RREB1: variants seen among roughly 807,000 people sequenced by gnomAD.
The protein encoded by RREB1 is ras-responsive element-binding protein 1.
Under a neutral mutation model 117.8 loss-of-function variants are expected in RREB1, and 27 were observed. The observed-to-expected ratio is 0.23, with a 90% CI of 0.17 to 0.32. RREB1 has a LOEUF of 0.32. Ranked by LOEUF, RREB1 falls within the 10% of genes least tolerant of loss-of-function variation. The pLI, the probability that RREB1 is intolerant of heterozygous loss-of-function variation, is 1.00. For synonymous variants in RREB1, 1,298 were observed against 1,026.7 expected (o/e 1.26, Z -5.05); for missense variants, 2,577 against 2,378.2 (o/e 1.08, Z -1.74).
At chr6:7,213,989 G>C (rs921646745) in intron 8 of RREB1, 16 of 152,326 alleles carry the variant, frequency 1.1e-4, no homozygotes, top group African/African-American at 3.6e-4. Flanking sequence ...AGGCAGATCA[G>C]GTGTCTCCTT....
intron 8 of RREB1, among the ~76,000 whole-genome samples, chr6:7,219,835 C>T (rs1383370567): frequency 6.6e-6 from 1 of 152,172 alleles, no homozygotes; most frequent in African/African-American, 2.4e-5. Context: ...AAAGAGCTTA[C>T]CTTATGACCT....
intron 1 of RREB1, among the ~76,000 whole-genome samples, chr6:7,140,018 G>A (rs1434237979): frequency 6.6e-6 from 1 of 152,216 alleles, no homozygotes; most frequent in South Asian, 2.1e-4. Flanking sequence ...AGCAAAGAGA[G>A]TGTACTGCAA....
chr6:7,141,419 A>T (rs748740011), intron 1 of RREB1, among the ~76,000 whole-genome samples: 1 of 152,068 alleles, frequency 6.6e-6, no homozygotes, highest in African/African-American at 2.4e-5. Flanking sequence ...AAAATAATAA[A>T]TTCCTCTTAG....
chr6:7,114,749 G>GT (rs1238571253), intron 1 of RREB1, among the ~76,000 whole-genome samples: 1 of 152,202 alleles, frequency 6.6e-6, no homozygotes, highest in Non-Finnish European at 1.5e-5. Flanking sequence ...CAAGTTCGAA[G>GT]TTTCACAGAA....
intron 1 of RREB1, among the ~76,000 whole-genome samples, chr6:7,171,748 G>A (rs536673672): frequency 1.6e-4 from 24 of 152,266 alleles, no homozygotes; most frequent in African/African-American, 5.5e-4. Context: ...TTGGAACCAC[G>A]AGCCATGGGT....
intron 6 of RREB1, among the ~76,000 whole-genome samples, chr6:7,200,194 G>A (rs1339611716): frequency 1.3e-5 from 2 of 150,156 alleles, no homozygotes; most frequent in East Asian, 3.9e-4. Context: ...ATATGTGTGT[G>A]TGTATATATG....
intron 1 of RREB1, among the ~76,000 whole-genome samples, chr6:7,143,084 T>G (rs1244754093): frequency 1.3e-5 from 2 of 152,200 alleles, no homozygotes; most frequent in East Asian, 1.9e-4. Context: ...CTGGGATTTT[T>G]GGGGAAAATA....
At chr6:7,215,569 G>A (rs1314420225) in intron 8 of RREB1, 2 of 152,098 alleles carry the variant, frequency 1.3e-5, no homozygotes, top group Non-Finnish European at 2.9e-5. Flanking sequence ...TGAACTCCTG[G>A]GCTCAAGTGA....
intron 1 of RREB1, among the ~76,000 whole-genome samples, chr6:7,112,948 G>C (rs1761215900): frequency 6.6e-6 from 1 of 152,190 alleles, no homozygotes; most frequent in Non-Finnish European, 1.5e-5. Flanking sequence ...AGGAGACTGG[G>C]AGCGATCGGT....
At chr6:7,184,225 TC>T (rs1398472522) in intron 4 of RREB1, among the ~76,000 whole-genome samples, 1 of 151,964 alleles carries the variant, frequency 6.6e-6, no homozygotes, top group Non-Finnish European at 1.5e-5. Flanking sequence ...GGGCCTCTCT[TC>T]CAGTATCACA....
intron 6 of RREB1, among the ~76,000 whole-genome samples, chr6:7,204,833 G>A (rs547815520): frequency 1.2e-4 from 19 of 152,284 alleles, no homozygotes; most frequent in Non-Finnish European, 2.2e-4. Context: ...AATTACATAC[G>A]GGGAGCTTGA....
At chr6:7,187,162 C>G (rs1291728069) in intron 4 of RREB1, among the ~76,000 whole-genome samples, 1 of 152,250 alleles carries the variant, frequency 6.6e-6, no homozygotes, top group Non-Finnish European at 1.5e-5. Flanking sequence ...TGAGTACTGA[C>G]TATGATCCCA....
intron 3 of RREB1, 47 bp from the exon 4 acceptor site, chr6:7,181,823 G>A (rs1278205291): frequency 1.4e-6 from 2 of 1,386,448 alleles, no homozygotes; most frequent in East Asian, 4.6e-5. Context: ...GGCAATGACA[G>A]AAGCCTAAAC....
Position 7,210,923 on chromosome 6 carries a change from G to A in RREB1, c.545G>A (p.Arg182Lys), listed in dbSNP as rs1766548460. The change falls in exon 7 of 13, where the codon AGA becomes AAA. Residue 182 changes from arginine to lysine, a missense_variant. Arg to Lys is a conservative substitution (Grantham distance 26). Transcript: ENST00000379938. ...RKLSHDAESE[R>K]EDPAPAKKMV... ...CTGAGTCACGATGCCGAGTCAGAGA[G>A]AGAAGACCCAGCACCAGCTAAAAAG... 2 of 1,614,160 alleles carry A rather than the reference G, an allele frequency of 1.2e-6. No individual in the cohort carries two copies. The highest frequency in any genetic ancestry group is 4.5e-5 in the East Asian group (2 of 44,880).
At chr6:7,224,161 G>A (rs941171747) in intron 8 of RREB1, among the ~76,000 whole-genome samples, 1 of 151,978 alleles carries the variant, frequency 6.6e-6, no homozygotes, top group Admixed American at 6.6e-5. Context: ...TAATAAACTC[G>A]ATGTACCCTT....
intron 6 of RREB1, among the ~76,000 whole-genome samples, chr6:7,204,224 C>A (rs1050293205): frequency 2.0e-5 from 3 of 152,170 alleles, no homozygotes; most frequent in Admixed American, 1.3e-4. Flanking sequence ...CATACAACAC[C>A]TGAATTACTA....
chr6:7,108,341 C>T (rs867836443), intron 1 of RREB1, among the ~76,000 whole-genome samples: 5 of 87,456 alleles, frequency 5.7e-5, no homozygotes, highest in Non-Finnish European at 1.0e-4. Context: ...CTCCTCCTCC[C>T]CTTCCTCCGC....
At chr6:7,145,233 T>A (rs1762805437) in intron 1 of RREB1, among the ~76,000 whole-genome samples, 1 of 152,242 alleles carries the variant, frequency 6.6e-6, no homozygotes, top group Admixed American at 6.5e-5. Flanking sequence ...AGAGCAGGTT[T>A]ACATGTGTGG....
At chr6:7,182,548 G>A (rs1047832568) in intron 4 of RREB1, among the ~76,000 whole-genome samples, 9 of 152,200 alleles carry the variant, frequency 5.9e-5, no homozygotes, top group Admixed American at 4.6e-4. Flanking sequence ...ATGCTGTTTA[G>A]TCATCTTGGA....
Sources: gnomAD v4.1 joint callset for allele counts (sites outside exome capture counted in the v4.1 genomes callset) on GRCh38, gnomAD v4.1.1 for gene constraint, MANE v1.5 for transcripts, NCBI Gene and HGNC (gene_info 2026-07-23, HGNC 2026-07-21) for gene names.